Variants in CAP2 observed in about 807,000 individuals in gnomAD.
The protein encoded by CAP2 is adenylyl cyclase-associated protein 2.
CAP2 carries 24 observed loss-of-function variants against 57.7 expected under a neutral mutation model. That is an observed-to-expected ratio of 0.42 (90% confidence interval 0.30 to 0.58). The LOEUF is 0.58. CAP2 is among the 20% of genes least tolerant of loss of function. The probability of loss-of-function intolerance (pLI) is 0.22; values close to 1 mark genes in which losing one functional copy is unlikely to be tolerated. For synonymous variants in CAP2, 194 were observed against 207.2 expected (o/e 0.94, Z 0.55); for missense variants, 501 against 590.3 (o/e 0.85, Z 1.57).
At chr6:17,490,113 G>C (rs1761510783) in intron 4 of CAP2, among the ~76,000 whole-genome samples, 1 of 152,126 alleles carries the variant, frequency 6.6e-6, no homozygotes, top group Admixed American at 6.5e-5. Context: ...ATATTAATAT[G>C]CATAGTAATT....
intron 3 of CAP2, among the ~76,000 whole-genome samples, chr6:17,445,510 C>T (rs1336822463): frequency 6.6e-6 from 1 of 152,178 alleles, no homozygotes; most frequent in Non-Finnish European, 1.5e-5. Context: ...CAATTGTTTT[C>T]AAAATGATAG....
Position 17,557,423 on chromosome 6 carries a change from T to G in CAP2, c.*981T>G, listed in dbSNP as rs1396214847. The G allele has an allele frequency of 6.6e-6, 1 of 152,194 alleles. No individual in the cohort carries two copies. The highest frequency in any genetic ancestry group is 2.4e-5 in the African/African-American group (1 of 41,462). 9.4% of individuals were successfully genotyped at this position (152,194 alleles called of 1,614,324 possible). A position where few individuals can be genotyped will look rare whatever the true frequency, so the allele number is the denominator to read the frequency against. ...TGTTGGTTTGGCTTGCTGCTCCTAT[T>G]TTGTAGTCTTGATAGTAGATGCTTC... On this transcript the variant is annotated 3_prime_UTR_variant, in exon 13 of 13. Transcript: ENST00000229922.
intron 7 of CAP2, among the ~76,000 whole-genome samples, chr6:17,517,508 A>C (rs7754209): frequency 0.34 from 51,523 of 151,938 alleles, 10,684 homozygotes; most frequent in Non-Finnish European, 0.46. Flanking sequence ...CAACACATTC[A>C]GATATTTTAT....
intron 3 of CAP2, among the ~76,000 whole-genome samples, chr6:17,438,009 G>A (rs1194388807): frequency 2.6e-5 from 4 of 152,150 alleles, no homozygotes; most frequent in South Asian, 4.1e-4. Context: ...GGGGATATTA[G>A]CCTCTGTCTG....
chr6:17,427,780 G>A (rs1357715027), intron 3 of CAP2, among the ~76,000 whole-genome samples: 1 of 152,176 alleles, frequency 6.6e-6, no homozygotes, highest in Non-Finnish European at 1.5e-5. Context: ...ACTAAATGTG[G>A]TCTGTACATA....
chr6:17,531,531 A>G (rs1762639306), intron 7 of CAP2: 1 of 1,535,316 alleles, frequency 6.5e-7, no homozygotes, highest in Non-Finnish European at 8.9e-7. Flanking sequence ...TTTTGGACAA[A>G]CTTCTTTCTC....
chr6:17,527,172 C>A lies in CAP2; in HGVS notation c.637-12097C>A, dbSNP rs188555964. On this transcript the variant is annotated intron_variant, in intron 7 of 12. Transcript: ENST00000229922. ...TATAGATAATTGGAGAAAGTACAGT[C>A]GTTTCTGTATGCCCCTGAAATCTGA... 3.2e-4 allele frequency among the ~76,000 whole-genome samples: 48 copies of A among 152,196 alleles called. No individual in the cohort carries two copies. In the East Asian group the frequency reaches 8.9e-3, roughly 28 times the overall value.
chr6:17,486,250 A>C (rs1761416709), intron 4 of CAP2, among the ~76,000 whole-genome samples: 2 of 152,228 alleles, frequency 1.3e-5, no homozygotes. Flanking sequence ...GAATTCAAGG[A>C]AGTTGTGACA....
chr6:17,483,038 T>C (rs776000903), intron 4 of CAP2, among the ~76,000 whole-genome samples: 7 of 152,232 alleles, frequency 4.6e-5, no homozygotes, highest in African/African-American at 1.7e-4. Context: ...CTCTCTCTCT[T>C]TGGAAGCTTT....
At chr6:17,411,430 C>G (rs1340252735) in intron 1 of CAP2, among the ~76,000 whole-genome samples, 1 of 152,204 alleles carries the variant, frequency 6.6e-6, no homozygotes, top group Non-Finnish European at 1.5e-5. Context: ...GGTTCCAATT[C>G]CTTCATATTC....
At chr6:17,516,821 C>T (rs1762282618) in intron 7 of CAP2, among the ~76,000 whole-genome samples, 1 of 152,110 alleles carries the variant, frequency 6.6e-6, no homozygotes, top group Non-Finnish European at 1.5e-5. Context: ...ATTTGTTTTC[C>T]AACACTTTTA....
Position 17,551,552 on chromosome 6 carries a change from T to C in CAP2, c.1298T>C (p.Val433Ala), listed in dbSNP as rs2113711612. ...GAAGATGCATTAGACTGTGAGATCGTGAGCGCCAAGTCATCTGAAATGAAC... is the reference window on the plus strand; with the variant it reads ...GAAGATGCATTAGACTGTGAGATCGCGAGCGCCAAGTCATCTGAAATGAAC... ...LSEDALDCEI[V>A]SAKSSEMNIL... The change falls in exon 12 of 13, where the codon GTG (valine) becomes GCG (alanine). Residue 433 changes from valine (V) to alanine (A), a missense_variant. Val to Ala is a moderately conservative substitution (Grantham distance 64, BLOSUM62 0). Transcript: ENST00000229922. 1.2e-6 allele frequency: 2 copies of C among 1,612,328 alleles called. No individual in the cohort carries two copies. Among genetic ancestry groups the C allele is most frequent in the Non-Finnish European group, 1.7e-6 (2 of 1,178,620 alleles).
At chr6:17,446,684 C>T (rs1302868848) in intron 3 of CAP2, among the ~76,000 whole-genome samples, 3 of 152,180 alleles carry the variant, frequency 2.0e-5, no homozygotes, top group Non-Finnish European at 4.4e-5. Context: ...GAACTTTTTA[C>T]AACAAGCATG....
At chr6:17,542,717 T>C (rs755505207) in intron 9 of CAP2, 120 bp from the exon 10 acceptor site, 3 of 795,570 alleles carry the variant, frequency 3.8e-6, no homozygotes, top group Non-Finnish European at 6.2e-6. Flanking sequence ...TATAAGGAGA[T>C]GGTTCCAAAA....
In CAP2 at chr6:17,551,489, C is replaced by T. The variant is rs777475058; in HGVS notation, c.1235C>T (p.Ser412Phe). The change falls in exon 12 of 13, where the codon TCC becomes TTC. Residue 412 changes from serine (S) to phenylalanine (F), a missense_variant. Transcript: ENST00000229922. Reference protein sequence around the residue: ...IQVMGRVPTISINKTEGCHIY... With the variant: ...IQVMGRVPTIFINKTEGCHIY... The stretch of plus-strand genomic sequence containing the variant: ...GTAATGGGGAGAGTGCCAACAATTT[C>T]CATTAATAAGACAGAAGGTTGCCAC... The T allele has an allele frequency of 8.7e-6, 14 of 1,608,032 alleles. No homozygotes were observed. The highest frequency in any genetic ancestry group is 1.2e-5 in the Non-Finnish European group (14 of 1,176,536).
chr6:17,418,959 T>C (rs921136099), intron 1 of CAP2, among the ~76,000 whole-genome samples: 8 of 152,130 alleles, frequency 5.3e-5, no homozygotes, highest in Admixed American at 2.6e-4. Flanking sequence ...TAATTTTGAA[T>C]CCCCTTAGGA....
At chr6:17,540,475 G>T (rs1762872812) in intron 8 of CAP2, among the ~76,000 whole-genome samples, 1 of 151,974 alleles carries the variant, frequency 6.6e-6, no homozygotes, top group African/African-American at 2.4e-5. Context: ...TACTTGGCTG[G>T]TGCAGTGGCT....
chr6:17,535,892 CA>C (rs991966141), intron 7 of CAP2, among the ~76,000 whole-genome samples: 1 of 151,984 alleles, frequency 6.6e-6, no homozygotes, highest in African/African-American at 2.4e-5. Context: ...CCTCCACCCA[CA>C]AGAGTATTTC....
intron 1 of CAP2, among the ~76,000 whole-genome samples, chr6:17,397,856 T>C (rs1163787038): frequency 6.6e-6 from 1 of 152,154 alleles, no homozygotes; most frequent in Non-Finnish European, 1.5e-5. Flanking sequence ...TTGAAGACTT[T>C]TTTTCCATGT....
Sources: gnomAD v4.1 joint callset for allele counts (sites outside exome capture counted in the v4.1 genomes callset) on GRCh38, gnomAD v4.1.1 for gene constraint, MANE v1.5 for transcripts, NCBI Gene and HGNC (gene_info 2026-07-23, HGNC 2026-07-21) for gene names.